Variants in BEAN1 observed in about 807,000 individuals in gnomAD.
BEAN1 encodes brain expressed associated with NEDD4 1, also known as protein BEAN1.
In BEAN1, 17 loss-of-function variants were observed where a neutral mutation model predicts 17.7. That is an observed-to-expected ratio of 0.96 (90% CI 0.66 to 1.44). The LOEUF is 1.44. BEAN1 is among the 40% of genes most tolerant of loss of function. The pLI, the probability that BEAN1 is intolerant of heterozygous loss-of-function variation, is 0.00. For synonymous variants in BEAN1, 142 were observed against 151.8 expected (o/e 0.94, Z 0.47); for missense variants, 359 against 374.1 (o/e 0.96, Z 0.33).
chr16:66,482,646 G>C lies in BEAN1; in HGVS notation c.*1721G>C, dbSNP rs1287181025. The C allele has an allele frequency of 4.7e-5, 17 of 359,576 alleles. No individual in the cohort carries two copies. Among genetic ancestry groups the C allele is most frequent in the Non-Finnish European group, 9.2e-5 (17 of 185,068 alleles). The allele number at this position is 359,576 out of a possible 1,614,324, so 22.3% of individuals were successfully genotyped here. On this transcript the variant is annotated 3_prime_UTR_variant, in exon 5 of 5. Transcript: ENST00000536005. ...CTTTTAAGAAACACATCCTGCTTCT[G>C]CAATTCCAGAGAGTGCTGGGGGAAA...
chr16:66,447,195 A>G (rs1962489298), intron 2 of BEAN1, among the ~76,000 whole-genome samples: 1 of 152,160 alleles, frequency 6.6e-6, no homozygotes, highest in South Asian at 2.1e-4. Context: ...ACTTGAGCCC[A>G]GGAGTTTGCG....
chr16:66,437,857 G>A lies in BEAN1; in HGVS notation c.25+156G>A, dbSNP rs12595953. 4,727 of 970,254 alleles carry A rather than the reference G, an allele frequency of 4.9e-3. 271 individuals carry two copies. In the Admixed American group the frequency reaches 0.083, roughly 17 times the overall value. The allele number at this position is 970,254 out of a possible 1,614,324, so 60.1% of individuals were successfully genotyped here. A position where few individuals can be genotyped will look rare whatever the true frequency, so the allele number is the denominator to read the frequency against. On this transcript the variant is annotated intron_variant, in intron 2 of 4. Transcript: ENST00000536005. The stretch of plus-strand genomic sequence containing the variant: ...ATGCTGGGTGGGGAGAGGGCAACAC[G>A]GAAGACCCCTGACGTCTGCAAGATG...
intron 1 of BEAN1, among the ~76,000 whole-genome samples, chr16:66,431,940 G>A (rs1273788234): frequency 6.6e-6 from 1 of 151,978 alleles, no homozygotes; most frequent in East Asian, 1.9e-4. Flanking sequence ...CCGAGTAGCT[G>A]GGATCACAGG....
At chr16:66,439,022 GT>G (rs1245902872) in intron 2 of BEAN1, among the ~76,000 whole-genome samples, 3 of 152,160 alleles carry the variant, frequency 2.0e-5, no homozygotes, top group African/African-American at 4.8e-5. Flanking sequence ...GATCATGGGG[GT>G]GGGGGCCTCT....
At chr16:66,453,854 C>T (rs1430634078) in intron 2 of BEAN1, among the ~76,000 whole-genome samples, 4 of 152,146 alleles carry the variant, frequency 2.6e-5, no homozygotes, top group Non-Finnish European at 5.9e-5. Flanking sequence ...CTGCCTCAAC[C>T]TCCCAAGTAG....
chr16:66,493,323 G>A (rs1371289732), exon 5 of BEAN1: 1 of 693,262 alleles, frequency 1.4e-6, no homozygotes, highest in Admixed American at 2.0e-5. Flanking sequence ...GAAGGGGTGG[G>A]GTCCGAGACG....
chr16:66,462,872 A>T (rs1963135933), intron 2 of BEAN1, among the ~76,000 whole-genome samples: 1 of 152,202 alleles, frequency 6.6e-6, no homozygotes, highest in Non-Finnish European at 1.5e-5. Context: ...TGGACAGGGA[A>T]TCCAAAGACA....
intron 2 of BEAN1, among the ~76,000 whole-genome samples, chr16:66,453,342 T>TACACACACACACACACACACAC (rs34867737): frequency 6.8e-6 from 1 of 147,634 alleles, no homozygotes; most frequent in African/African-American, 2.5e-5. Context: ...CATTCTGTTA[T>TACACACACACACACACACACAC]ACACACACAC....
At chr16:66,437,366 C>G (rs972274405) in intron 1 of BEAN1, among the ~76,000 whole-genome samples, 1 of 152,084 alleles carries the variant, frequency 6.6e-6, no homozygotes, top group South Asian at 2.1e-4. Context: ...CTCCCCACCA[C>G]CCCCCACCAC....
rs1039637173 is a variant in BEAN1, at chr16:66,477,546, T to C, written c.290-14T>C. 3 of 1,531,568 alleles carry C rather than the reference T, an allele frequency of 2.0e-6. No individual in the cohort carries two copies. The highest frequency in any genetic ancestry group is 8.8e-7 in the Non-Finnish European group (1 of 1,139,724). The allele number at this position is 1,531,568 out of a possible 1,614,324, so 94.9% of individuals were successfully genotyped here. ...CCTGGTCTGAGGCCCAGGCCGGTGG[T>C]CTGTTCCCTGCAGTGTCGGACGAGC... On this transcript the variant is annotated splice_polypyrimidine_tract_variant and intron_variant, in intron 3 of 4. Coordinates refer to ENST00000536005, the MANE Select transcript of BEAN1 (RefSeq NM_001178020.3).
At chr16:66,467,411 GGAGA>G in intron 2 of BEAN1, among the ~76,000 whole-genome samples, 1 of 152,272 alleles carries the variant, frequency 6.6e-6, no homozygotes, top group Non-Finnish European at 1.5e-5. Flanking sequence ...CGGGGCAGTA[GGAGA>G]GAGAATGAGT....
intron 1 of BEAN1, among the ~76,000 whole-genome samples, chr16:66,435,908 T>C (rs924446700): frequency 1.3e-5 from 2 of 152,238 alleles, no homozygotes; most frequent in African/African-American, 4.8e-5. Flanking sequence ...GTTTTGCCTC[T>C]CTGAGCCTTG....
rs1176379565 is a variant in BEAN1, at chr16:66,477,741, A to C, written c.440+31A>C. The C allele has an allele frequency of 2.0e-6, 3 of 1,517,882 alleles. No homozygotes were observed. The Admixed American group carries it at 6.5e-5, about 33-fold the overall frequency. 94.0% of individuals were successfully genotyped at this position (1,517,882 alleles called of 1,614,324 possible). A position where few individuals can be genotyped will look rare whatever the true frequency, so the allele number is the denominator to read the frequency against. On this transcript the variant is annotated intron_variant, in intron 4 of 4. Transcript: ENST00000536005. ...GAGGCCTCATGGGGAAGGGGGCATCAGAGGATGGGGCCCTGGACACAAAGA... is the reference window on the plus strand; with the variant it reads ...GAGGCCTCATGGGGAAGGGGGCATCCGAGGATGGGGCCCTGGACACAAAGA...
Position 66,469,707 on chromosome 16 carries a change from G to T in BEAN1, c.131G>T (p.Gly44Val), listed in dbSNP as rs1963395036. The stretch of plus-strand genomic sequence containing the variant: ...GTGCTGGTGGCGAGTGCCGTCATAG[G>T]TGTGGTCATCATCCTCTCCTGCATC... Reference protein sequence around the residue: ...SPVLVASAVIGVVIILSCITI... With the variant: ...SPVLVASAVIVVVIILSCITI... Residue 44 changes from glycine to valine, a missense_variant, in exon 3 of 5, where the codon GGT becomes GTT. Gly to Val is a moderately radical substitution (Grantham distance 109). Coordinates refer to ENST00000536005, the MANE Select transcript of BEAN1 (RefSeq NM_001178020.3). The T allele has an allele frequency of 6.5e-7, 1 of 1,536,110 alleles. No homozygotes were observed. Among genetic ancestry groups the T allele is most frequent in the African/African-American group, 1.4e-5 (1 of 73,138 alleles).
chr16:66,484,724 A>G (rs1964061851), downstream of BEAN1: 1 of 453,974 alleles, frequency 2.2e-6, no homozygotes, highest in East Asian at 6.9e-5. The surrounding 1 kb of genome is among the most constrained non-coding windows in gnomAD (Gnocchi z 4.2). Flanking sequence ...GGGGGTCACC[A>G]AGCAGGTCAC....
At chr16:66,493,641 G>A (rs1964208550), downstream of BEAN1, 3 of 483,642 alleles carry the variant, frequency 6.2e-6, no homozygotes, top group South Asian at 4.4e-5. Flanking sequence ...TGCAGCAGGG[G>A]GCAGCCCCTG....
chr16:66,440,218 C>G (rs1257381701), intron 2 of BEAN1, among the ~76,000 whole-genome samples: 1 of 150,906 alleles, frequency 6.6e-6, no homozygotes, highest in Non-Finnish European at 1.5e-5. Flanking sequence ...CAGGCTCCGC[C>G]TCCCAGGTTC....
chr16:66,454,186 G>A (rs949292311), intron 2 of BEAN1, among the ~76,000 whole-genome samples: 4 of 152,222 alleles, frequency 2.6e-5, no homozygotes, highest in Admixed American at 2.6e-4. Flanking sequence ...CCTGGAGAAT[G>A]TCTCATGTGC....
At chr16:66,490,056 A>G (rs1964143442) in intron 4 of BEAN1, among the ~76,000 whole-genome samples, 1 of 151,712 alleles carries the variant, frequency 6.6e-6, no homozygotes, top group Non-Finnish European at 1.5e-5. Flanking sequence ...GGAGCCCAGC[A>G]GAGTCTCATA....
Sources: gnomAD v4.1 joint callset for allele counts (sites outside exome capture counted in the v4.1 genomes callset) on GRCh38, gnomAD v4.1.1 for gene constraint, Gnocchi (gnomAD v3.1) non-coding constraint, MANE v1.5 for transcripts, NCBI Gene and HGNC (gene_info 2026-07-23, HGNC 2026-07-21) for gene names.